The following RUNDC3B variants were observed in gnomAD, a reference collection of about 807,000 sequenced individuals.
RUNDC3B encodes the protein RUN domain-containing protein 3B.
In RUNDC3B, 33 loss-of-function variants were observed where a neutral mutation model predicts 58.4. The ratio of observed to expected loss-of-function variants is 0.56; its 90% confidence interval spans 0.43 to 0.75. RUNDC3B has a LOEUF of 0.75. RUNDC3B is among the 30% of genes least tolerant of loss of function. RUNDC3B has a pLI of 0.00. For missense variants in RUNDC3B, 501 were observed against 535.7 expected (o/e 0.94, Z 0.64); for synonymous variants, 193 against 195.2 (o/e 0.99, Z 0.10).
intron 2 of RUNDC3B, among the ~76,000 whole-genome samples, chr7:87,678,425 G>A (rs1489316507): frequency 6.6e-6 from 1 of 152,062 alleles, no homozygotes; most frequent in Non-Finnish European, 1.5e-5. Flanking sequence ...TAAATATTAG[G>A]TGTTCTATTT....
chr7:87,670,925 G>T (rs1339385059), intron 2 of RUNDC3B, among the ~76,000 whole-genome samples: 4 of 152,180 alleles, frequency 2.6e-5, no homozygotes, highest in Non-Finnish European at 5.9e-5. Flanking sequence ...GCTGTAGATT[G>T]TGATTTGGTA....
chr7:87,656,161 A>T (rs1175905013), intron 2 of RUNDC3B, among the ~76,000 whole-genome samples: 2 of 152,172 alleles, frequency 1.3e-5, no homozygotes, highest in African/African-American at 4.8e-5. Flanking sequence ...TAATATGTAT[A>T]TTAATTTGTT....
chr7:87,738,302 T>C (rs1832109114), intron 4 of RUNDC3B, among the ~76,000 whole-genome samples: 1 of 152,020 alleles, frequency 6.6e-6, no homozygotes, highest in African/African-American at 2.4e-5. Context: ...GTCTAAATAT[T>C]TTACCTTTCT....
chr7:87,810,244 C>T (rs975782681), intron 9 of RUNDC3B, among the ~76,000 whole-genome samples: 12 of 152,148 alleles, frequency 7.9e-5, no homozygotes, highest in African/African-American at 2.7e-4. Context: ...ACGTTCAGAA[C>T]CAGAAAAGGT....
intron 2 of RUNDC3B, among the ~76,000 whole-genome samples, chr7:87,662,538 T>C (rs1824818486): frequency 6.6e-6 from 1 of 152,008 alleles, no homozygotes; most frequent in Non-Finnish European, 1.5e-5. Context: ...ATTTTCAGAA[T>C]CTTTGTCAAA....
chr7:87,652,057 G>A (rs1180914959), intron 2 of RUNDC3B, among the ~76,000 whole-genome samples: 1 of 151,948 alleles, frequency 6.6e-6, no homozygotes, highest in Admixed American at 6.6e-5. Context: ...GTAGTATTTT[G>A]AGATATTATT....
At chr7:87,663,983 T>C (rs561293255) in intron 2 of RUNDC3B, among the ~76,000 whole-genome samples, 3 of 152,310 alleles carry the variant, frequency 2.0e-5, no homozygotes, top group South Asian at 2.1e-4. Flanking sequence ...TTATAGTGGC[T>C]ATCTTGAAAT....
intron 1 of RUNDC3B, among the ~76,000 whole-genome samples, chr7:87,645,770 C>G (rs1406793750): frequency 1.3e-5 from 2 of 152,124 alleles, no homozygotes; most frequent in Non-Finnish European, 2.9e-5. Context: ...TCTCATTACT[C>G]TGGCATATAC....
At chr7:87,811,047 A>G (rs1412257530) in intron 9 of RUNDC3B, among the ~76,000 whole-genome samples, 1 of 152,172 alleles carries the variant, frequency 6.6e-6, no homozygotes, top group Non-Finnish European at 1.5e-5. Context: ...GTTTCCAGTA[A>G]GTTCTGTTTT....
At chr7:87,815,226 CTG>C (rs1584270806) in intron 9 of RUNDC3B, among the ~76,000 whole-genome samples, 2 of 152,076 alleles carry the variant, frequency 1.3e-5, no homozygotes, top group East Asian at 3.9e-4. Context: ...CTAGAGATAA[CTG>C]TGAAATAGAT....
At chr7:87,786,716 CA>C (rs1459538558) in intron 8 of RUNDC3B, among the ~76,000 whole-genome samples, 1 of 151,858 alleles carries the variant, frequency 6.6e-6, no homozygotes, top group Non-Finnish European at 1.5e-5. Context: ...GAGATGTTTT[CA>C]TTTTAAGAAT....
chr7:87,749,717 G>GA (rs955330432), intron 6 of RUNDC3B, among the ~76,000 whole-genome samples: 4 of 151,946 alleles, frequency 2.6e-5, no homozygotes, highest in Non-Finnish European at 5.9e-5. Flanking sequence ...ATTCATGGTA[G>GA]AAAAATTATA....
At position 87,628,584 on chromosome 7, in the gene RUNDC3B, C is replaced by CGTGTGTGTGTGTGTGTGTGTGTGTGTGT; in HGVS notation, c.-226_-199dup. On this transcript the variant is annotated 5_prime_UTR_variant, in exon 1 of 11. Transcript: ENST00000394654. ...CGAGGGCGGAGGTGGTGCGTGCGTG[C>CGTGTGTGTGTGTGTGTGTGTGTGTGTGT]GTGTGTGTGTGTGTGTGTGTGTGTG... 1 of 278,498 alleles carries CGTGTGTGTGTGTGTGTGTGTGTGTGTGT rather than the reference C, an allele frequency of 3.6e-6. No homozygotes were observed. The highest frequency in any genetic ancestry group is 5.8e-5 in the East Asian group (1 of 17,292). 17.3% of individuals were successfully genotyped at this position (278,498 alleles called of 1,614,324 possible).
At chr7:87,806,292 A>T (rs1034565316) in intron 8 of RUNDC3B, among the ~76,000 whole-genome samples, 3 of 152,202 alleles carry the variant, frequency 2.0e-5, no homozygotes, top group African/African-American at 7.2e-5. Context: ...CATTGTAAAC[A>T]GCCAGGGGTG....
intron 2 of RUNDC3B, among the ~76,000 whole-genome samples, chr7:87,683,277 G>T (rs190557633): frequency 3.9e-5 from 6 of 152,164 alleles, no homozygotes; most frequent in African/African-American, 1.4e-4. Context: ...CAGCAATAAG[G>T]CTCTTTCACT....
In RUNDC3B at chr7:87,777,823, T is replaced by A; in HGVS notation, c.824T>A (p.Leu275His). The A allele has an allele frequency of 6.2e-7, 1 of 1,613,690 alleles. No individual in the cohort carries two copies. Among genetic ancestry groups the A allele is most frequent in the Non-Finnish European group, 8.5e-7 (1 of 1,179,774 alleles). The part of the protein sequence containing the change: ...QKGYLEELLR[L>H]RENQLSESVS... ...GGTTACCTTGAAGAACTCTTACGAC[T>A]TCGAGAGAACCAACTATCTGAATCT... Residue 275 changes from leucine to histidine, a missense_variant, in exon 8 of 11, where the codon CTT (leucine) becomes CAT (histidine). Transcript: ENST00000394654.
intron 2 of RUNDC3B, among the ~76,000 whole-genome samples, chr7:87,676,649 A>G (rs1303397838): frequency 4.1e-5 from 6 of 145,284 alleles, no homozygotes; most frequent in Non-Finnish European, 9.0e-5. Context: ...GGTTGCAGTG[A>G]GCCAAGATCA....
intron 6 of RUNDC3B, among the ~76,000 whole-genome samples, chr7:87,768,687 T>G (rs569285526): frequency 6.6e-6 from 1 of 152,324 alleles, no homozygotes; most frequent in South Asian, 2.1e-4. Flanking sequence ...CTACCCTTTC[T>G]ATGGGACTCC....
intron 4 of RUNDC3B, among the ~76,000 whole-genome samples, chr7:87,729,830 T>C (rs916954313): frequency 2.0e-5 from 3 of 151,992 alleles, no homozygotes; most frequent in African/African-American, 7.3e-5. Flanking sequence ...TCCCTCCACC[T>C]AAGGAGAGGA....
Sources: gnomAD v4.1 joint callset for allele counts (sites outside exome capture counted in the v4.1 genomes callset) on GRCh38, gnomAD v4.1.1 for gene constraint, MANE v1.5 for transcripts, NCBI Gene and HGNC (gene_info 2026-07-23, HGNC 2026-07-21) for gene names.